Variants in RNF169 observed in about 807,000 individuals in gnomAD.
The protein encoded by RNF169 is ring finger protein 169, also known as E3 ubiquitin-protein ligase RNF169.
RNF169 carries 24 observed loss-of-function variants against 53.9 expected under a neutral mutation model. The ratio of observed to expected loss-of-function variants is 0.45; its 90% CI spans 0.32 to 0.63. The LOEUF (loss-of-function observed/expected upper bound fraction) is 0.63, where lower values mean the gene tolerates loss of function less well. Among genes scored for constraint, RNF169 ranks in the 20% least tolerant of loss-of-function variants. The pLI is 0.04. For synonymous variants in RNF169, 396 were observed against 363.5 expected, an observed-to-expected ratio of 1.09 and a Z score of -1.02; for missense variants, 883 against 906.2, an observed-to-expected ratio of 0.97 and a Z score of 0.33.
intron 1 of RNF169, among the ~76,000 whole-genome samples, chr11:74,782,196 A>G (rs1033148442): frequency 6.6e-6 from 1 of 152,188 alleles, no homozygotes; most frequent in African/African-American, 2.4e-5. Context: ...AGGCAGAGGC[A>G]TAGAGGCAGA....
intron 4 of RNF169, chr11:74,831,012 A>G (rs1310829320): frequency 2.0e-5 from 3 of 152,218 alleles, no homozygotes; most frequent in Non-Finnish European, 1.5e-5. Flanking sequence ...TCAGTCTTAT[A>G]AAAGGAATCT....
intron 3 of RNF169, 90 bp downstream of exon 3, chr11:74,810,420 T>C (rs540909980): frequency 3.5e-5 from 41 of 1,174,120 alleles, no homozygotes; most frequent in East Asian, 2.6e-4. Context: ...TGTTGGTAAA[T>C]TGTGAGACCA....
intron 4 of RNF169, among the ~76,000 whole-genome samples, chr11:74,825,206 C>T (rs1247695024): frequency 1.3e-5 from 2 of 151,982 alleles, no homozygotes; most frequent in Admixed American, 6.6e-5. Context: ...GTATGTTAGA[C>T]CATAAAACAA....
intron 1 of RNF169, among the ~76,000 whole-genome samples, chr11:74,782,451 TAG>T (rs2035429634): frequency 6.6e-6 from 1 of 152,158 alleles, no homozygotes; most frequent in East Asian, 1.9e-4. Flanking sequence ...GCAAGGGATC[TAG>T]GTAGGCTGTG....
intron 1 of RNF169, among the ~76,000 whole-genome samples, chr11:74,750,582 C>T (rs757418444): frequency 4.8e-5 from 7 of 144,696 alleles, no homozygotes; most frequent in Non-Finnish European, 9.0e-5. Flanking sequence ...TTGTCACTCC[C>T]CTCACCTTTT....
At chr11:74,785,324 A>G (rs1436416195) in intron 1 of RNF169, among the ~76,000 whole-genome samples, 2 of 145,986 alleles carry the variant, frequency 1.4e-5, no homozygotes, top group Admixed American at 7.0e-5. Flanking sequence ...TGTTATATAT[A>G]TTATATATAA....
intron 1 of RNF169, among the ~76,000 whole-genome samples, chr11:74,787,073 A>G (rs534485208): frequency 6.6e-6 from 1 of 152,348 alleles, no homozygotes; most frequent in East Asian, 1.9e-4. Flanking sequence ...AGAATTTTTA[A>G]AAAGCAGATC....
chr11:74,765,756 T>C (rs532368735), intron 1 of RNF169, among the ~76,000 whole-genome samples: 6 of 150,378 alleles, frequency 4.0e-5, no homozygotes, highest in African/African-American at 1.2e-4. Context: ...GAGCTGAGAT[T>C]GCGCCATTGC....
chr11:74,750,232 CTG>C (rs1430797305), intron 1 of RNF169, among the ~76,000 whole-genome samples: 1 of 152,200 alleles, frequency 6.6e-6, no homozygotes, highest in Non-Finnish European at 1.5e-5. Flanking sequence ...TAAAATAAGA[CTG>C]TTATAACTTA....
intron 2 of RNF169, among the ~76,000 whole-genome samples, chr11:74,804,983 G>T (rs2035784860): frequency 6.6e-6 from 1 of 152,180 alleles, no homozygotes; most frequent in Non-Finnish European, 1.5e-5. Context: ...TTTGGCTGTT[G>T]TTCTATAAAT....
chr11:74,820,730 T>G (rs1285903575), intron 4 of RNF169, among the ~76,000 whole-genome samples: 1 of 152,084 alleles, frequency 6.6e-6, no homozygotes, highest in Non-Finnish European at 1.5e-5. Flanking sequence ...GAAGATAGCT[T>G]AAGGAGAAGC....
chr11:74,766,568 T>C (rs2035177594), intron 1 of RNF169, among the ~76,000 whole-genome samples: 2 of 152,232 alleles, frequency 1.3e-5, no homozygotes, highest in South Asian at 4.1e-4. Context: ...AAAATATTTA[T>C]AGCTAAGATG....
rs1276233946 is a variant in RNF169 at position 74,834,744 on chromosome 11, G to A, written c.911G>A (p.Arg304Lys). ...ACAGCCCAGGAAAGAGCGAAGAGCA[G>A]AGTCAGAGCAGTTCCAGGCAACAAA... is the stretch of plus-strand genomic sequence containing the variant. The part of the protein sequence containing the change: ...SDTAQERAKS[R>K]VRAVPGNKAK... Residue 304 changes from arginine to lysine, a missense_variant, in exon 5 of 6, where the codon AGA becomes AAA. By Grantham distance (26) the Arg-to-Lys change is conservative. Around this residue, in one of 3 missense-constraint regions of RNF169, gnomAD observed 219 missense variants for 289.1 expected, o/e 0.76. Transcript: ENST00000299563. 2 of 1,613,996 alleles carry A rather than the reference G, an allele frequency of 1.2e-6. No homozygotes were observed. Among genetic ancestry groups the A allele is most frequent in the Non-Finnish European group, 1.7e-6 (2 of 1,180,004 alleles).
Position 74,749,288 on chromosome 11 carries a change from C to T in RNF169, c.408C>T (p.Ser136=), listed in dbSNP as rs2034845840. ...TGCTGGGCGAGTGCGCCCGCCGCAG[C>T]CAACCCGAGCGCTGCCGCCCGCGCC... ...SEVLGECARR[S]QPERCRPRRD... is the part of the protein sequence containing the mutation. The change falls in exon 1 of 6, where the codon AGC becomes AGT. Residue 136 remains serine, a synonymous_variant. Transcript: ENST00000299563. 4.3e-6 allele frequency: 5 copies of T among 1,164,738 alleles called. No homozygotes were observed. The South Asian group carries it at 1.6e-4, about 38-fold the overall frequency. The allele number at this position is 1,164,738 out of a possible 1,614,324, so 72.2% of individuals were successfully genotyped here.
intron 3 of RNF169, 139 bp from the exon 4 acceptor site, chr11:74,817,457 G>A (rs964495226): frequency 4.8e-6 from 3 of 629,698 alleles, no homozygotes; most frequent in Admixed American, 2.5e-5. Flanking sequence ...TTTGAGATTG[G>A]TATCTCCAGG....
intron 1 of RNF169, among the ~76,000 whole-genome samples, chr11:74,765,345 C>G (rs1016244277): frequency 2.0e-5 from 3 of 152,114 alleles, no homozygotes; most frequent in African/African-American, 7.2e-5. Flanking sequence ...TTCCTAGATT[C>G]ATTTAGGCAC....
chr11:74,837,016 CAGTT>C lies in RNF169; in HGVS notation c.*290_*293del. ...AACGGCCTCAGGAGCATAATGGCCA[CAGTT>C]AGTAATGGTAAAGAGGGGATACCTT... is the stretch of plus-strand genomic sequence containing the variant. On this transcript the variant is annotated 3_prime_UTR_variant, in exon 6 of 6. Coordinates refer to ENST00000299563, the MANE Select transcript of RNF169 (RefSeq NM_001098638.2). 3.4e-6 allele frequency: 1 copy of C among 296,742 alleles called. No homozygotes were observed. Among genetic ancestry groups the C allele is most frequent in the Middle Eastern group, 1.0e-3 (1 of 988 alleles). The allele number at this position is 296,742 out of a possible 1,614,324, so 18.4% of individuals were successfully genotyped here.
chr11:74,798,225 G>T (rs1565179924), intron 2 of RNF169, among the ~76,000 whole-genome samples: 1 of 152,196 alleles, frequency 6.6e-6, no homozygotes, highest in Non-Finnish European at 1.5e-5. Context: ...TGAGCCGGGT[G>T]GAACAGAGTC....
intron 4 of RNF169, among the ~76,000 whole-genome samples, chr11:74,826,047 C>T (rs1488914598): frequency 6.6e-6 from 1 of 152,142 alleles, no homozygotes; most frequent in African/African-American, 2.4e-5. Context: ...AGATCTTGGT[C>T]AGAAGCAATG....
Sources: gnomAD v4.1 joint callset for allele counts (sites outside exome capture counted in the v4.1 genomes callset) on GRCh38, gnomAD v4.1.1 for gene constraint, gnomAD v4.1.1 regional missense constraint, MANE v1.5 for transcripts, NCBI Gene and HGNC (gene_info 2026-07-23, HGNC 2026-07-21) for gene names.